Variants in LRRC72 observed in about 807,000 individuals in gnomAD.
LRRC72 encodes the protein leucine-rich repeat-containing protein 72.
Under a neutral mutation model 35.8 loss-of-function variants are expected in LRRC72, and 41 were observed. The observed-to-expected ratio is 1.15, with a 90% CI of 0.89 to 1.49. The LOEUF (loss-of-function observed/expected upper bound fraction) is 1.49. Among genes scored for constraint, LRRC72 ranks in the 40% most tolerant of loss-of-function variants. LRRC72 has a pLI of 0.00. For missense variants in LRRC72, 389 were observed against 330.7 expected (o/e 1.18, Z -1.37); for synonymous variants, 118 against 119.2 (o/e 0.99, Z 0.07).
chr7:16,527,030 G>A lies in LRRC72; in HGVS notation c.78G>A (p.Gln26=), dbSNP rs1782081560. ...RLRRASETAL[Q]SSRRAVEDQL... is the part of the protein sequence containing the mutation. ...GGAGGGCATCCGAAACTGCCCTACAGAGCAGTCGCCGGGTAAGCGGCACCT... is the reference window on the plus strand; with the variant it reads ...GGAGGGCATCCGAAACTGCCCTACAAAGCAGTCGCCGGGTAAGCGGCACCT... Residue 26 remains glutamine (Q), a synonymous_variant, in exon 1 of 9, where the codon CAG becomes CAA. Coordinates refer to ENST00000401542, the MANE Select transcript of LRRC72 (RefSeq NM_001195280.2). 1 of 1,538,390 alleles carries A rather than the reference G, an allele frequency of 6.5e-7. No homozygotes were observed. Among genetic ancestry groups the A allele is most frequent in the Non-Finnish European group, 8.7e-7 (1 of 1,146,912 alleles).
intron 3 of LRRC72, among the ~76,000 whole-genome samples, chr7:16,551,679 C>T (rs1036976620): frequency 2.6e-5 from 4 of 151,968 alleles, no homozygotes; most frequent in African/African-American, 7.3e-5. Context: ...GGGTGGTACC[C>T]GGGGGGAGGG....
intron 1 of LRRC72, among the ~76,000 whole-genome samples, chr7:16,529,493 G>A (rs1782127481): frequency 6.6e-6 from 1 of 152,068 alleles, no homozygotes; most frequent in Non-Finnish European, 1.5e-5. Flanking sequence ...ACCACGAACT[G>A]TGCCCCTATA....
At chr7:16,537,504 A>G in intron 2 of LRRC72, 123 bp from the exon 3 acceptor site, 1 of 486,586 alleles carries the variant, frequency 2.1e-6, no homozygotes, top group Non-Finnish European at 3.7e-6. Flanking sequence ...GAGTGTGCCA[A>G]TAATTTTGAA....
intron 7 of LRRC72, among the ~76,000 whole-genome samples, chr7:16,570,939 CT>C (rs1308296481): frequency 6.6e-6 from 1 of 150,888 alleles, no homozygotes; most frequent in African/African-American, 2.4e-5. Flanking sequence ...TCTTCAGTGT[CT>C]TTTAATTTAG....
At chr7:16,532,885 G>A (rs1016446484) in intron 2 of LRRC72, 1 of 331,108 alleles carries the variant, frequency 3.0e-6, no homozygotes, top group Non-Finnish European at 5.8e-6. Flanking sequence ...AGGACATCCA[G>A]TTGAATTTGA....
intron 1 of LRRC72, among the ~76,000 whole-genome samples, chr7:16,529,444 T>G (rs937550179): frequency 3.9e-5 from 6 of 152,116 alleles, no homozygotes; most frequent in Non-Finnish European, 7.4e-5. Context: ...TACTGTTTTT[T>G]GGGGTTTTTT....
intron 2 of LRRC72, among the ~76,000 whole-genome samples, chr7:16,535,181 C>T (rs746610006): frequency 1.1e-4 from 16 of 152,042 alleles, no homozygotes; most frequent in Non-Finnish European, 1.9e-4. Context: ...AGAGCCAAAC[C>T]CTTTCTAAAA....
Position 16,559,006 on chromosome 7 carries a change from A to G in LRRC72, c.427+7A>G. On this transcript the variant is annotated splice_region_variant and intron_variant, in intron 5 of 8. Coordinates refer to ENST00000401542, the MANE Select transcript of LRRC72 (RefSeq NM_001195280.2). ...CTAAATCTGAAGATCCTAAGTAACA[A>G]TTTGCAATTTTATATGGCCATAAGT... The G allele has an allele frequency of 2.7e-6, 4 of 1,492,158 alleles. No homozygotes were observed. Among genetic ancestry groups the G allele is most frequent in the South Asian group, 1.3e-5 (1 of 78,640 alleles). The allele number at this position is 1,492,158 out of a possible 1,614,324, so 92.4% of individuals were successfully genotyped here.
intron 3 of LRRC72, among the ~76,000 whole-genome samples, chr7:16,543,717 G>C (rs561745442): frequency 2.7e-4 from 41 of 152,256 alleles, no homozygotes; most frequent in Non-Finnish European, 7.4e-5. Context: ...GAGGTTCCTG[G>C]GAGAGGCTCT....
chr7:16,545,379 G>A (rs528989650), intron 3 of LRRC72, among the ~76,000 whole-genome samples: 109 of 152,152 alleles, frequency 7.2e-4, no homozygotes, highest in South Asian at 4.1e-3. Context: ...TTTAATGTGC[G>A]GTTATAAATA....
intron 2 of LRRC72, among the ~76,000 whole-genome samples, chr7:16,533,273 C>A (rs1782199205): frequency 6.6e-6 from 1 of 152,040 alleles, no homozygotes; most frequent in Non-Finnish European, 1.5e-5. Flanking sequence ...ATCAACAGAC[C>A]ACTTTGATTC....
rs192022001 is a variant in LRRC72, at chr7:16,558,925, T to C, written c.353T>C (p.Leu118Pro). ...HYLPSLHILL[L>P]HHNELTNIDA... ...TTGCCTTCATTGCATATACTCCTGC[T>C]ACACCACAATGAGCTAACCAACATT... The change falls in exon 5 of 9, where the codon CTA (leucine) becomes CCA (proline). Residue 118 changes from leucine (L) to proline (P), a missense_variant. Leu to Pro is a moderately conservative substitution (Grantham distance 98). Transcript: ENST00000401542. 2.0e-6 allele frequency: 3 copies of C among 1,533,280 alleles called. No homozygotes were observed. In the East Asian group the frequency reaches 7.5e-5, roughly 38 times the overall value. The allele number at this position is 1,533,280 out of a possible 1,614,324, so 95.0% of individuals were successfully genotyped here.
intron 7 of LRRC72, among the ~76,000 whole-genome samples, chr7:16,579,527 G>A (rs551020597): frequency 2.6e-5 from 4 of 152,174 alleles, no homozygotes; most frequent in Non-Finnish European, 4.4e-5. Context: ...GGAAGACACC[G>A]TAAGAAATCC....
chr7:16,566,852 C>A (rs1005814891), intron 6 of LRRC72, among the ~76,000 whole-genome samples: 23 of 152,206 alleles, frequency 1.5e-4, no homozygotes, highest in African/African-American at 5.5e-4. Context: ...TTTATGAATA[C>A]ATCTTCAAGA....
intron 3 of LRRC72, among the ~76,000 whole-genome samples, chr7:16,551,933 G>A (rs1782558658): frequency 3.3e-5 from 5 of 152,174 alleles, no homozygotes; most frequent in South Asian, 4.1e-4. Context: ...AGTGGGGTGG[G>A]GGAGCAGTCT....
intron 7 of LRRC72, among the ~76,000 whole-genome samples, chr7:16,573,278 T>C (rs563647163): frequency 6.6e-6 from 1 of 152,310 alleles, no homozygotes; most frequent in East Asian, 1.9e-4. Flanking sequence ...CCATTGACTT[T>C]CTTCACAGAA....
intron 3 of LRRC72, among the ~76,000 whole-genome samples, chr7:16,539,622 G>A (rs1185602762): frequency 6.6e-6 from 1 of 152,162 alleles, no homozygotes; most frequent in Non-Finnish European, 1.5e-5. Flanking sequence ...ATGTCTCCAG[G>A]GCATGTAAGA....
chr7:16,567,465 G>A lies in LRRC72; in HGVS notation c.592G>A (p.Ala198Thr). Reference protein sequence around the residue: ...HKKAHIVQSIAFGGKVDASWD... With the variant: ...HKKAHIVQSITFGGKVDASWD... ...AAAGGCTCATATCGTTCAATCAATA[G>A]CATTCGGAGGAAAAGTGGATGCTTC... is the stretch of plus-strand genomic sequence containing the variant. The change falls in exon 7 of 9, where the codon GCA (alanine) becomes ACA (threonine). Residue 198 changes from alanine (A) to threonine (T), a missense_variant. Coordinates refer to ENST00000401542, the MANE Select transcript of LRRC72 (RefSeq NM_001195280.2). 1 of 1,531,974 alleles carries A rather than the reference G, an allele frequency of 6.5e-7. No individual in the cohort carries two copies. The highest frequency in any genetic ancestry group is 8.8e-7 in the Non-Finnish European group (1 of 1,138,358). The allele number at this position is 1,531,974 out of a possible 1,614,324, so 94.9% of individuals were successfully genotyped here.
rs11379958 is a variant in LRRC72 at position 16,567,552 on chromosome 7, TA to T, written c.670+26del. 0.034 allele frequency: 36,234 copies of T among 1,069,822 alleles called. No individual in the cohort carries two copies. Among genetic ancestry groups the T allele is most frequent in the Middle Eastern group, 0.043 (179 of 4,160 alleles). The allele number at this position is 1,069,822 out of a possible 1,614,324, so 66.3% of individuals were successfully genotyped here. On this transcript the variant is annotated intron_variant, in intron 7 of 8. Coordinates refer to ENST00000401542, the MANE Select transcript of LRRC72 (RefSeq NM_001195280.2). ...CCAGAGAGTACCTTCAGGTATTTCGTAAAAAAAAAAAAAAAAACAAATTTAA... is the reference window on the plus strand; with the variant it reads ...CCAGAGAGTACCTTCAGGTATTTCGTAAAAAAAAAAAAAAAACAAATTTAA...
Sources: gnomAD v4.1 joint callset for allele counts (sites outside exome capture counted in the v4.1 genomes callset) on GRCh38, gnomAD v4.1.1 for gene constraint, MANE v1.5 for transcripts, NCBI Gene and HGNC (gene_info 2026-07-23, HGNC 2026-07-21) for gene names.